The following NFIX variants were observed in gnomAD, a reference collection of about 807,000 sequenced individuals.
NFIX encodes nuclear factor 1 X-type.
NFIX carries 2 observed loss-of-function variants against 53.3 expected under a neutral mutation model. The ratio of observed to expected loss-of-function variants is 0.04; its 90% CI spans 0.02 to 0.12. The LOEUF (loss-of-function observed/expected upper bound fraction) is 0.12, where lower values mean the gene tolerates loss of function less well. Among genes scored for constraint, NFIX ranks in the 10% least tolerant of loss-of-function variants. The probability of loss-of-function intolerance (pLI) is 1.00; values close to 1 mark genes in which losing one functional copy is unlikely to be tolerated. For missense variants in NFIX, 310 were observed against 674.5 expected, an observed-to-expected ratio of 0.46 and a Z score of 5.99; for synonymous variants, 244 against 289.0, an observed-to-expected ratio of 0.84 and a Z score of 1.58.
intron 10 of NFIX, among the ~76,000 whole-genome samples, chr19:13,092,994 T>C (rs1467192703): frequency 6.6e-6 from 1 of 152,242 alleles, no homozygotes; most frequent in Admixed American, 6.5e-5. Context: ...ATTTAGCATT[T>C]CTGCCCACCC....
At chr19:13,003,648 T>G (rs2011848805) in intron 1 of NFIX, among the ~76,000 whole-genome samples, 1 of 152,164 alleles carries the variant, frequency 6.6e-6, no homozygotes, top group South Asian at 2.1e-4. Context: ...GGAAACATTT[T>G]TTTTTTTTAG....
chr19:13,069,579 G>T (rs967638699), intron 2 of NFIX, among the ~76,000 whole-genome samples: 3 of 152,124 alleles, frequency 2.0e-5, no homozygotes, highest in Admixed American at 2.0e-4. Flanking sequence ...GAGCCACCCC[G>T]GGCTCAGGGG....
intron 2 of NFIX, among the ~76,000 whole-genome samples, chr19:13,032,552 T>G (rs971264905): frequency 3.9e-5 from 6 of 152,178 alleles, no homozygotes; most frequent in African/African-American, 1.4e-4. Context: ...ATTCCGCCTT[T>G]GAAGGGATTC....
rs34763159 is a variant in NFIX, at chr19:13,013,064, T to TA, written c.28-11947dup. 0.085 allele frequency among the ~76,000 whole-genome samples: 12,498 copies of TA among 147,688 alleles called. 950 individuals carry two copies. Among genetic ancestry groups the TA allele is most frequent in the African/African-American group, 0.21 (8,456 of 40,180 alleles). ...GGGCCGCGGGGAGTTGCGCAGACTC[T>TA]AAAAAAAAAACCTTTAAAAACCCAA... On this transcript the variant is annotated intron_variant, in intron 1 of 10. Transcript: ENST00000592199. This position sits in a 1 kb window ranked among gnomAD's most constrained non-coding sequence, Gnocchi z 5.9.
At chr19:13,074,227 C>T (rs2016937652) in intron 5 of NFIX, among the ~76,000 whole-genome samples, 2 of 152,216 alleles carry the variant, frequency 1.3e-5, no homozygotes, top group Admixed American at 6.5e-5. Flanking sequence ...CATGAAGGAC[C>T]CAGCCCTGGG....
In NFIX at chr19:13,094,007, C is replaced by T. The variant is rs2018294372; in HGVS notation, c.1495-628C>T. ...AAATGACGCTCACCCCAGGGAGCCT[C>T]AAGTCCTTCCTCAATGTCTGGTGCC... is the stretch of plus-strand genomic sequence containing the variant. On this transcript the variant is annotated intron_variant, in intron 10 of 10. Transcript: ENST00000592199. The surrounding 1 kb of genome is among the most constrained non-coding windows in gnomAD (Gnocchi z 4.3). Among the ~76,000 whole-genome samples the T allele has an allele frequency of 6.6e-6, 1 of 152,114 alleles. No individual in the cohort carries two copies. The highest frequency in any genetic ancestry group is 2.1e-4 in the South Asian group (1 of 4,826).
In NFIX at chr19:13,093,590, T is replaced by C. The variant is rs140567911; in HGVS notation, c.1495-1045T>C. ...CGAGGGCTGTGTGGCCTCAGGCAGG[T>C]CACGTACCCCCTCTGTGCCTAGCTT... On this transcript the variant is annotated intron_variant, in intron 10 of 10. Coordinates refer to ENST00000592199, the MANE Select transcript of NFIX (RefSeq NM_001365902.3). The surrounding 1 kb of genome is among the most constrained non-coding windows in gnomAD (Gnocchi z 4.7). 0.034 allele frequency among the ~76,000 whole-genome samples: 5,216 copies of C among 152,228 alleles called. 98 individuals carry two copies. The highest frequency in any genetic ancestry group is 0.082 in the Middle Eastern group (24 of 294).
intron 2 of NFIX, among the ~76,000 whole-genome samples, chr19:13,035,441 G>T (rs1055412748): frequency 2.0e-5 from 3 of 152,150 alleles, no homozygotes; most frequent in African/African-American, 7.2e-5. Context: ...CAGGACAGGG[G>T]ATCTGCTACT....
intron 2 of NFIX, among the ~76,000 whole-genome samples, chr19:13,048,135 C>T (rs1050021911): frequency 6.6e-6 from 1 of 152,222 alleles, no homozygotes; most frequent in Non-Finnish European, 1.5e-5. Context: ...CACTAGCGAG[C>T]AGCAGCCCTG....
Position 13,009,610 on chromosome 19 carries a change from G to A in NFIX, c.27+13746G>A, listed in dbSNP as rs2012219463. 6.6e-6 allele frequency among the ~76,000 whole-genome samples: 1 copy of A among 152,200 alleles called. No individual in the cohort carries two copies. The highest frequency in any genetic ancestry group is 2.4e-5 in the African/African-American group (1 of 41,436). On this transcript the variant is annotated intron_variant, in intron 1 of 10. Transcript: ENST00000592199. This position sits in a 1 kb window ranked among gnomAD's most constrained non-coding sequence, Gnocchi z 4.7. ...CTAAGAAGCCCAGAGCAAGAAACAGGAGGAAGAGGCTTCCTGATTCCCCGC... is the reference window on the plus strand; with the variant it reads ...CTAAGAAGCCCAGAGCAAGAAACAGAAGGAAGAGGCTTCCTGATTCCCCGC...
In NFIX at chr19:12,995,768, G is replaced by C. The variant is rs2145117061; in HGVS notation, c.-70G>C. The C allele has an allele frequency of 1.4e-6, 1 of 693,776 alleles. No homozygotes were observed. Among genetic ancestry groups the C allele is most frequent in the East Asian group, 1.3e-4 (1 of 7,440 alleles). 43.0% of individuals were successfully genotyped at this position (693,776 alleles called of 1,614,324 possible). On this transcript the variant is annotated 5_prime_UTR_variant, in exon 1 of 11. Transcript: ENST00000592199. ...GAGCCGAGCCGGAGCCCGAGCCCGAGCGCGGCCGCCGCCTGCCGGGCCTCC... is the reference window on the plus strand; with the variant it reads ...GAGCCGAGCCGGAGCCCGAGCCCGACCGCGGCCGCCGCCTGCCGGGCCTCC...
intron 1 of NFIX, among the ~76,000 whole-genome samples, chr19:13,017,561 G>C (rs760613908): frequency 2.0e-4 from 30 of 152,020 alleles, no homozygotes; most frequent in Non-Finnish European, 2.8e-4. Flanking sequence ...AAAAATGAAG[G>C]GGGGTGTCTG....
At chr19:13,076,696 G>A (rs1192075616) in intron 6 of NFIX, among the ~76,000 whole-genome samples, 1 of 152,220 alleles carries the variant, frequency 6.6e-6, no homozygotes, top group Non-Finnish European at 1.5e-5. Flanking sequence ...TACTTTGTCT[G>A]ATGTTTTCCA....
intron 2 of NFIX, chr19:13,070,242 G>C (rs899192351): frequency 6.6e-6 from 1 of 152,374 alleles, no homozygotes; most frequent in Non-Finnish European, 1.5e-5. Context: ...GCACATCCCC[G>C]AGCTGACAGG....
At chr19:13,046,531 T>A (rs1432808455) in intron 2 of NFIX, among the ~76,000 whole-genome samples, 3 of 152,022 alleles carry the variant, frequency 2.0e-5, no homozygotes, top group Non-Finnish European at 4.4e-5. Flanking sequence ...TTTCCTTGCA[T>A]ACACTCTTTT....
At position 13,090,224 on chromosome 19, in the gene NFIX, C is replaced by T; in HGVS notation, c.1403-75C>T. On this transcript the variant is annotated intron_variant, in intron 9 of 10. Coordinates refer to ENST00000592199, the MANE Select transcript of NFIX (RefSeq NM_001365902.3). The surrounding 1 kb of genome is among the most constrained non-coding windows in gnomAD (Gnocchi z 6.6). ...CTAACTCAGTCTCTCCCTCTCTCAGCAGCCCCGAGGGGCAGTGCCCAGGTG... is the reference window on the plus strand; with the variant it reads ...CTAACTCAGTCTCTCCCTCTCTCAGTAGCCCCGAGGGGCAGTGCCCAGGTG... The T allele has an allele frequency of 2.2e-6, 3 of 1,381,632 alleles. No individual in the cohort carries two copies. Among genetic ancestry groups the T allele is most frequent in the African/African-American group, 1.4e-5 (1 of 70,316 alleles). The allele number at this position is 1,381,632 out of a possible 1,614,324, so 85.6% of individuals were successfully genotyped here. A position where few individuals can be genotyped will look rare whatever the true frequency, so the allele number is the denominator to read the frequency against.
Position 13,005,556 on chromosome 19 carries a change from T to C in NFIX, c.27+9692T>C, listed in dbSNP as rs999255294. On this transcript the variant is annotated intron_variant, in intron 1 of 10. Coordinates refer to ENST00000592199, the MANE Select transcript of NFIX (RefSeq NM_001365902.3). The surrounding 1 kb of genome is among the most constrained non-coding windows in gnomAD (Gnocchi z 4.7). ...TGGTTCACAGCACACGCTTTAAAAC[T>C]GTGCTTGATGTGAAAACCTGCTTTG... 1.3e-5 allele frequency among the ~76,000 whole-genome samples: 2 copies of C among 152,324 alleles called. No individual in the cohort carries two copies. The highest frequency in any genetic ancestry group is 3.4e-3 in the Middle Eastern group (1 of 294).
chr19:13,073,051 C>T lies in NFIX; in HGVS notation c.564C>T (p.Ser188=), dbSNP rs745539197. 143 of 1,613,932 alleles carry T rather than the reference C, an allele frequency of 8.9e-5. 1 individual carries two copies. Among genetic ancestry groups the T allele is most frequent in the African/African-American group, 5.3e-5 (4 of 75,032 alleles). Residue 188 remains serine, a synonymous_variant, in exon 3 of 11, where the codon TCC becomes TCT. Coordinates refer to ENST00000592199, the MANE Select transcript of NFIX (RefSeq NM_001365902.3). The surrounding 1 kb of genome is among the most constrained non-coding windows in gnomAD (Gnocchi z 4.5). ...YLAYFVHTPE[S]GQSDSSNQQG... ...CCCCTTTTGTGTCTCCTGCAGAATC[C>T]GGACAATCAGATAGTTCAAACCAGC...
chr19:13,029,961 C>G (rs1033649876), intron 2 of NFIX, among the ~76,000 whole-genome samples: 9 of 152,184 alleles, frequency 5.9e-5, no homozygotes, highest in Non-Finnish European at 1.5e-5. Context: ...GTTCCCCAAG[C>G]CTTTGCTGGA....
Sources: gnomAD v4.1 joint callset for allele counts (sites outside exome capture counted in the v4.1 genomes callset) on GRCh38, gnomAD v4.1.1 for gene constraint, Gnocchi (gnomAD v3.1) non-coding constraint, MANE v1.5 for transcripts, NCBI Gene and HGNC (gene_info 2026-07-23, HGNC 2026-07-21) for gene names.